The following ZNF786 variants were observed in gnomAD, a reference collection of about 807,000 sequenced individuals.
The protein encoded by ZNF786 is zinc finger protein 786.
Under a neutral mutation model 63.1 loss-of-function variants are expected in ZNF786, and 56 were observed. The observed-to-expected ratio is 0.89, with a 90% CI of 0.72 to 1.11. The LOEUF is 1.11. Ranked by LOEUF, ZNF786 falls within the 50% of genes least tolerant of loss-of-function variation. The probability of loss-of-function intolerance (pLI) is 0.00; values close to 1 mark genes in which losing one functional copy is unlikely to be tolerated. For missense variants in ZNF786, 1,213 were observed against 1,041.8 expected (o/e 1.16, Z -2.26); for synonymous variants, 485 against 406.9 (o/e 1.19, Z -2.31).
At chr7:149,073,163 T>G (rs1233936929) in intron 3 of ZNF786, among the ~76,000 whole-genome samples, 1 of 152,148 alleles carries the variant, frequency 6.6e-6, no homozygotes, top group Admixed American at 6.6e-5. Flanking sequence ...AAGTAATTTG[T>G]GGGGGAAAAA....
chr7:149,075,278 T>C (rs1825523416), intron 2 of ZNF786, among the ~76,000 whole-genome samples: 1 of 152,212 alleles, frequency 6.6e-6, no homozygotes, highest in East Asian at 1.9e-4. Context: ...GGTCTCACTC[T>C]GTCTCTCAGG....
chr7:149,079,479 A>T (rs553018212), intron 2 of ZNF786, among the ~76,000 whole-genome samples: 56 of 152,172 alleles, frequency 3.7e-4, no homozygotes, highest in African/African-American at 1.2e-3. Flanking sequence ...CTGATTTTTT[A>T]AAAATGATAT....
intron 1 of ZNF786, chr7:149,082,584 AAT>A: frequency 1.3e-6 from 1 of 750,596 alleles, no homozygotes; most frequent in Non-Finnish European, 1.6e-6. Context: ...TTCCAACTTA[AAT>A]TTTTTTTTTT....
intron 1 of ZNF786, among the ~76,000 whole-genome samples, chr7:149,090,395 C>A (rs1372522571): frequency 6.6e-5 from 10 of 152,252 alleles, no homozygotes; most frequent in Admixed American, 6.5e-4. Flanking sequence ...CGGCCTCGGT[C>A]CACGCTCGGC....
chr7:149,080,992 T>C (rs1825641982), intron 1 of ZNF786, among the ~76,000 whole-genome samples: 1 of 152,204 alleles, frequency 6.6e-6, no homozygotes. Flanking sequence ...AACAAGTCAC[T>C]TTGTAACTTC....
Position 149,071,974 on chromosome 7 carries a change from GCCCCTC to G in ZNF786, c.792_797del (p.Arg265_Gly266del). 6.2e-7 allele frequency: 1 copy of G among 1,612,436 alleles called. No homozygotes were observed. The highest frequency in any genetic ancestry group is 8.5e-7 in the Non-Finnish European group (1 of 1,179,852). ...TTTCACCGTCAGCGTTCCGGAAGGG[GCCCCTC>G]CCCGTGTGGGCCGCCAGATGGCGCA... On this transcript the variant is annotated inframe_deletion, in exon 4 of 4. Transcript: ENST00000491431.
At position 149,074,468 on chromosome 7, in the gene ZNF786, T is replaced by C. The variant is rs573218880; in HGVS notation, c.216A>G (p.Arg72=). 1.4e-5 allele frequency: 22 copies of C among 1,613,778 alleles called. No homozygotes were observed. In the South Asian group the frequency reaches 2.4e-4, roughly 18 times the overall value. Residue 72 remains arginine (R), a synonymous_variant, in exon 3 of 4, where the codon AGA becomes AGG. Coordinates refer to ENST00000491431, the MANE Select transcript of ZNF786 (RefSeq NM_152411.4). ...EHGGEPFRKW[R]ESQKSGNIIC... is the part of the protein sequence containing the mutation. ...TTATGTTTCCTGATTTCTGTGATTC[T>C]CTCCATTTCCTGAAGGGCTCTCCCC...
At chr7:149,073,747 GTATATA>G (rs57987134) in intron 3 of ZNF786, among the ~76,000 whole-genome samples, 3,418 of 77,482 alleles carry the variant, frequency 0.044, 83 homozygotes, top group African/African-American at 0.065. Flanking sequence ...GTGTGTGTGT[GTATATA>G]TATATATATA....
chr7:149,081,002 C>A (rs558118945), intron 1 of ZNF786, among the ~76,000 whole-genome samples: 9 of 152,252 alleles, frequency 5.9e-5, no homozygotes, highest in South Asian at 2.1e-4. Flanking sequence ...TTTGTAACTT[C>A]ATTCACTTAA....
Position 149,070,377 on chromosome 7 carries a change from T to C in ZNF786, c.*46A>G. 6.3e-7 allele frequency: 1 copy of C among 1,585,774 alleles called. No homozygotes were observed. Among genetic ancestry groups the C allele is most frequent in the Non-Finnish European group, 8.6e-7 (1 of 1,163,354 alleles). On this transcript the variant is annotated 3_prime_UTR_variant, in exon 4 of 4. Transcript: ENST00000491431. Reference sequence around the variant, plus strand: ...TCTGGCTACTGTTGCTGTGGATTCCTGGGCAATACCAATCCTGCTCAACGC... The same window carrying C: ...TCTGGCTACTGTTGCTGTGGATTCCCGGGCAATACCAATCCTGCTCAACGC...
chr7:149,078,799 TAG>T (rs1563138822), intron 2 of ZNF786, among the ~76,000 whole-genome samples: 1 of 152,146 alleles, frequency 6.6e-6, no homozygotes, highest in African/African-American at 2.4e-5. Context: ...AGAGAAATAC[TAG>T]AGAACTAATT....
chr7:149,077,991 T>C (rs1311613106), intron 2 of ZNF786, among the ~76,000 whole-genome samples: 1 of 151,674 alleles, frequency 6.6e-6, no homozygotes, highest in Non-Finnish European at 1.5e-5. Context: ...GCCTCCCAAG[T>C]AGCTGGGATT....
chr7:149,082,585 ATTTTT>A, intron 1 of ZNF786: 7 of 585,880 alleles, frequency 1.2e-5, no homozygotes, highest in Non-Finnish European at 1.5e-5. Context: ...TCCAACTTAA[ATTTTT>A]TTTTTTTTTG....
At chr7:149,090,002 A>C (rs1304266062) in intron 1 of ZNF786, among the ~76,000 whole-genome samples, 1 of 152,244 alleles carries the variant, frequency 6.6e-6, no homozygotes, top group Non-Finnish European at 1.5e-5. Context: ...GGCGTGAGCC[A>C]CCGCGCCCGG....
In ZNF786 at chr7:149,079,845, A is replaced by C. The variant is rs1308085956; in HGVS notation, c.145+746T>G. ...CGGCCTCCCAAAGTCCTGGGATTAC[A>C]GGCGTGAGCCACCGCGCCCAGCAGA... On this transcript the variant is annotated intron_variant, in intron 2 of 3. Transcript: ENST00000491431. Among the ~76,000 whole-genome samples the C allele has an allele frequency of 4.0e-5, 6 of 148,920 alleles. No homozygotes were observed. In the East Asian group the frequency reaches 1.3e-3, roughly 32 times the overall value.
At chr7:149,090,328 ACCGTCCGCTCC>A (rs576215920) in intron 1 of ZNF786, among the ~76,000 whole-genome samples, 258 of 152,058 alleles carry the variant, frequency 1.7e-3, no homozygotes, top group Non-Finnish European at 1.6e-3. Flanking sequence ...TATCCTTTCC[ACCGTCCGCTCC>A]CCGTCCGCCC....
At chr7:149,073,881 C>T (rs1010570271) in intron 3 of ZNF786, among the ~76,000 whole-genome samples, 4 of 149,538 alleles carry the variant, frequency 2.7e-5, no homozygotes, top group African/African-American at 7.4e-5. Context: ...AGCTCTGCCT[C>T]CCAGGTTCAA....
chr7:149,082,577 C>A, intron 1 of ZNF786: 2 of 823,842 alleles, frequency 2.4e-6, no homozygotes, highest in Non-Finnish European at 2.9e-6. Context: ...TATCTTGTTC[C>A]AACTTAAATT....
At chr7:149,084,259 G>A (rs1384546940) in intron 1 of ZNF786, among the ~76,000 whole-genome samples, 1 of 151,250 alleles carries the variant, frequency 6.6e-6, no homozygotes. Flanking sequence ...CTACTCAGGA[G>A]GCTAAAGCAG....
Sources: gnomAD v4.1 joint callset for allele counts (sites outside exome capture counted in the v4.1 genomes callset) on GRCh38, gnomAD v4.1.1 for gene constraint, MANE v1.5 for transcripts, NCBI Gene and HGNC (gene_info 2026-07-23, HGNC 2026-07-21) for gene names.